Variants in PCDHGA4 observed in about 807,000 individuals in gnomAD.
PCDHGA4 encodes the protein protocadherin gamma subfamily A, 4.
A neutral mutation model predicts 54.6 loss-of-function variants in PCDHGA4; 38 were observed. That is an observed-to-expected ratio of 0.70 (90% CI 0.54 to 0.91). PCDHGA4 has a LOEUF of 0.91. Ranked by LOEUF, PCDHGA4 falls within the 40% of genes least tolerant of loss-of-function variation. PCDHGA4 has a pLI of 0.00. For synonymous variants in PCDHGA4, 511 were observed against 512.9 expected (o/e 1.00, Z 0.05); for missense variants, 1,298 against 1,220.9 (o/e 1.06, Z -0.94).
In PCDHGA4 at chr5:141,432,866, G is replaced by A; in HGVS notation, c.2515-61941G>A. The A allele has an allele frequency of 6.2e-7, 1 of 1,614,152 alleles. No individual in the cohort carries two copies. The highest frequency in any genetic ancestry group is 8.5e-7 in the Non-Finnish European group (1 of 1,180,008). On this transcript the variant is annotated intron_variant, in intron 1 of 3. Transcript: ENST00000571252. This position sits in a 1 kb window ranked among gnomAD's most constrained non-coding sequence, Gnocchi z 6.0. ...GGTAGCGGTGGCCGCGGTCTCCTGC[G>A]TCTTCCTGGCCTTCGTCATCTTGCT...
At chr5:141,496,588 C>T (rs775641672) in intron 2 of PCDHGA4, among the ~76,000 whole-genome samples, 9 of 152,280 alleles carry the variant, frequency 5.9e-5, no homozygotes, top group Non-Finnish European at 1.0e-4. Context: ...GAACGCAAAG[C>T]GCTTCTTAGA....
chr5:141,413,889 T>C (rs1394681178), intron 1 of PCDHGA4: 4 of 1,613,392 alleles, frequency 2.5e-6, no homozygotes, highest in Non-Finnish European at 3.4e-6. Flanking sequence ...CTGTCTTCGA[T>C]GCAAATGACA....
chr5:141,398,831 C>G (rs1488126013), intron 1 of PCDHGA4: 13 of 1,614,014 alleles, frequency 8.1e-6, no homozygotes, highest in Non-Finnish European at 1.1e-5. Context: ...GTAACCGACG[C>G]CAATGATAAT....
intron 1 of PCDHGA4, chr5:141,383,579 A>G (rs756026538): frequency 6.2e-7 from 1 of 1,613,596 alleles, no homozygotes. Context: ...AGCACCGCCC[A>G]CATCCAGGTG....
intron 1 of PCDHGA4, chr5:141,426,927 A>G (rs1480193041): frequency 2.2e-6 from 1 of 456,634 alleles, no homozygotes; most frequent in African/African-American, 2.0e-5. Flanking sequence ...AGCAATGGAC[A>G]TGGGTGACCC....
Position 141,407,977 on chromosome 5 carries a change from G to T in PCDHGA4, c.2514+50356G>T, listed in dbSNP as rs943554200. ...GTGCAGAGCAAGCGCTGACGCCGGG[G>T]ATCCGTCAGCCTCTGGCCTGGGATT... On this transcript the variant is annotated intron_variant, in intron 1 of 3. Coordinates refer to ENST00000571252, the MANE Select transcript of PCDHGA4 (RefSeq NM_018917.4). 65 of 747,656 alleles carry T rather than the reference G, an allele frequency of 8.7e-5. No individual in the cohort carries two copies. The African/African-American group carries it at 1.0e-3, about 12-fold the overall frequency. The allele number at this position is 747,656 out of a possible 1,614,324, so 46.3% of individuals were successfully genotyped here. A position where few individuals can be genotyped will look rare whatever the true frequency, so the allele number is the denominator to read the frequency against.
At chr5:141,400,259 T>A (rs2150848027) in intron 1 of PCDHGA4, 2 of 1,614,016 alleles carry the variant, frequency 1.2e-6, no homozygotes, top group Non-Finnish European at 1.7e-6. Flanking sequence ...GCCTTGCGCC[T>A]GCGACGCTCC....
At position 141,355,138 on chromosome 5, in the gene PCDHGA4, G is replaced by A. The variant is rs1759726918; in HGVS notation, c.31G>A (p.Gly11Arg). The change falls in exon 1 of 4, where the codon GGG (glycine) becomes AGG (arginine). Residue 11 changes from glycine (G) to arginine (R), a missense_variant. By Grantham distance (125) the Gly-to-Arg change is moderately radical. Transcript: ENST00000571252. ...CTTTATTTTGGACCCAGAAGATCCTGGGGCTCCTCAGGCCTCGACAGAGGG... is the reference window on the plus strand; with the variant it reads ...CTTTATTTTGGACCCAGAAGATCCTAGGGCTCCTCAGGCCTCGACAGAGGG... Reference protein sequence around the residue: MHFILDPEDPGAPQASTEGKP... With the variant: MHFILDPEDPRAPQASTEGKP... The A allele has an allele frequency of 6.6e-7, 1 of 1,524,966 alleles. No individual in the cohort carries two copies. 94.5% of individuals were successfully genotyped at this position (1,524,966 alleles called of 1,614,324 possible).
chr5:141,500,148 G>T (rs936567158), intron 2 of PCDHGA4, among the ~76,000 whole-genome samples: 6 of 150,990 alleles, frequency 4.0e-5, no homozygotes, highest in African/African-American at 1.5e-4. Flanking sequence ...ACTTTTCTTT[G>T]TGTAATCAAA....
chr5:141,405,522 C>T (rs542329840), intron 1 of PCDHGA4: 28 of 682,252 alleles, frequency 4.1e-5, no homozygotes, highest in Admixed American at 8.3e-5. Flanking sequence ...CAAATTCAAG[C>T]GATTCTCCTG....
At position 141,505,489 on chromosome 5, in the gene PCDHGA4, G is replaced by A. The variant is rs759637750; in HGVS notation, c.2662+8G>A. On this transcript the variant is annotated splice_region_variant and intron_variant, in intron 3 of 3. Coordinates refer to ENST00000571252, the MANE Select transcript of PCDHGA4 (RefSeq NM_018917.4). ...TCTTGGCGTCCGCCAGTGGTAAGTG[G>A]TGTCAGTGTGTGTATGGAAGAGTGG... The A allele has an allele frequency of 6.2e-7, 1 of 1,614,218 alleles. No homozygotes were observed. The highest frequency in any genetic ancestry group is 1.7e-5 in the Admixed American group (1 of 60,032).
At position 141,423,686 on chromosome 5, in the gene PCDHGA4, A is replaced by T. The variant is rs752078243; in HGVS notation, c.2514+66065A>T. 10 of 1,328,296 alleles carry T rather than the reference A, an allele frequency of 7.5e-6. No homozygotes were observed. The East Asian group carries it at 3.6e-4, about 47-fold the overall frequency. The allele number at this position is 1,328,296 out of a possible 1,614,324, so 82.3% of individuals were successfully genotyped here. The stretch of plus-strand genomic sequence containing the variant: ...GTGAGATTTATTTCTCTGCCTCCTA[A>T]TTGTTGGTGTCTTGGCACAAGTCTT... On this transcript the variant is annotated intron_variant, in intron 1 of 3. Transcript: ENST00000571252.
At chr5:141,401,813 T>C (rs2094195030) in intron 1 of PCDHGA4, among the ~76,000 whole-genome samples, 1 of 152,208 alleles carries the variant, frequency 6.6e-6, no homozygotes, top group Non-Finnish European at 1.5e-5. Context: ...ATGGGTTCCT[T>C]ACAAAGTGCT....
chr5:141,366,958 A>G, intron 1 of PCDHGA4: 1 of 658,344 alleles, frequency 1.5e-6, no homozygotes, highest in Non-Finnish European at 2.4e-6. Flanking sequence ...TGTAGACTTA[A>G]GTGAAACAAA....
At chr5:141,383,222 T>C in intron 1 of PCDHGA4, 1 of 1,613,962 alleles carries the variant, frequency 6.2e-7, no homozygotes, top group Non-Finnish European at 8.5e-7. Context: ...AACTTTAACA[T>C]CCTGATGGAA....
chr5:141,375,245 A>G (rs768962763), intron 1 of PCDHGA4: 6 of 1,613,950 alleles, frequency 3.7e-6, no homozygotes, highest in Non-Finnish European at 8.5e-7. Flanking sequence ...TTCCATCCCG[A>G]GAAGTCTCCC....
chr5:141,483,648 T>TTGTGTGTGTGTG (rs111458813), intron 1 of PCDHGA4, among the ~76,000 whole-genome samples: 51 of 149,708 alleles, frequency 3.4e-4, no homozygotes, highest in African/African-American at 1.2e-3. Context: ...GGGTGTGTGT[T>TTGTGTGTGTGTG]TGTGTGTGTG....
At position 141,393,204 on chromosome 5, in the gene PCDHGA4, C is replaced by G. The variant is rs373432896; in HGVS notation, c.2514+35583C>G. On this transcript the variant is annotated intron_variant, in intron 1 of 3. Transcript: ENST00000571252. ...AATAATTGATATTAACGATAATAAC[C>G]CAAAATTCCAGGTCGAAGATCTAGA... 7 of 1,613,342 alleles carry G rather than the reference C, an allele frequency of 4.3e-6. No homozygotes were observed. In the East Asian group the frequency reaches 1.6e-4, roughly 36 times the overall value.
Position 141,491,075 on chromosome 5 carries a change from A to G in PCDHGA4, c.2515-3732A>G, listed in dbSNP as rs147291399. ...TGGCTCTCCTACTCACTGTTGCCAC[A>G]GTCCACAGCCCCAGGACTGTTCCTC... is the stretch of plus-strand genomic sequence containing the variant. On this transcript the variant is annotated intron_variant, in intron 1 of 3. Coordinates refer to ENST00000571252, the MANE Select transcript of PCDHGA4 (RefSeq NM_018917.4). This position sits in a 1 kb window ranked among gnomAD's most constrained non-coding sequence, Gnocchi z 6.9. 1.2e-6 allele frequency: 2 copies of G among 1,614,080 alleles called. No individual in the cohort carries two copies. Among genetic ancestry groups the G allele is most frequent in the Non-Finnish European group, 8.5e-7 (1 of 1,180,042 alleles).
Sources: gnomAD v4.1 joint callset for allele counts (sites outside exome capture counted in the v4.1 genomes callset) on GRCh38, gnomAD v4.1.1 for gene constraint, Gnocchi (gnomAD v3.1) non-coding constraint, MANE v1.5 for transcripts, NCBI Gene and HGNC (gene_info 2026-07-23, HGNC 2026-07-21) for gene names.